The following TDRD5 variants were observed in gnomAD, a reference collection of about 807,000 sequenced individuals.
TDRD5 encodes tudor domain containing 5, also known as tudor domain-containing protein 5.
TDRD5 carries 41 observed loss-of-function variants against 120.6 expected under a neutral mutation model. The observed-to-expected ratio is 0.34, with a 90% confidence interval of 0.26 to 0.44. TDRD5 has a LOEUF of 0.44. Among genes scored for constraint, TDRD5 ranks in the 20% least tolerant of loss-of-function variants. The pLI, the probability that TDRD5 is intolerant of heterozygous loss-of-function variation, is 1.00. For synonymous variants in TDRD5, 430 were observed against 433.7 expected (o/e 0.99, Z 0.11); for missense variants, 1,006 against 1,221.2 (o/e 0.82, Z 2.63).
rs982541406 is a variant in TDRD5, at chr1:179,629,161, G to A, written c.973-1606G>A. ...CTCATCTGCTTGTTTCTCTTGGTGCGGAGGAGAAAGCTGGAAGATGGCAGC... is the reference window on the plus strand; with the variant it reads ...CTCATCTGCTTGTTTCTCTTGGTGCAGAGGAGAAAGCTGGAAGATGGCAGC... On this transcript the variant is annotated intron_variant, in intron 6 of 17. Coordinates refer to ENST00000444136, the MANE Select transcript of TDRD5 (RefSeq NM_001199085.3). 5.3e-5 allele frequency among the ~76,000 whole-genome samples: 8 copies of A among 151,992 alleles called. No homozygotes were observed. The South Asian group carries it at 8.3e-4, about 16-fold the overall frequency.
intron 6 of TDRD5, among the ~76,000 whole-genome samples, chr1:179,630,163 A>G (rs1677356076): frequency 1.3e-5 from 2 of 151,908 alleles, no homozygotes; most frequent in African/African-American, 4.8e-5. Flanking sequence ...ACGCCTGGCT[A>G]ATTTTTTGTA....
At chr1:179,636,175 A>G (rs1677757233) in intron 9 of TDRD5, among the ~76,000 whole-genome samples, 1 of 151,988 alleles carries the variant, frequency 6.6e-6, no homozygotes, top group Non-Finnish European at 1.5e-5. Context: ...AAGAAAGTTG[A>G]TTTTTCATAT....
intron 17 of TDRD5, among the ~76,000 whole-genome samples, chr1:179,685,037 T>C (rs1043871910): frequency 2.0e-5 from 3 of 152,236 alleles, no homozygotes; most frequent in African/African-American, 7.2e-5. Context: ...GTGCAGAAGC[T>C]CTTTAGTTTA....
Position 179,602,581 on chromosome 1 carries a change from A to T in TDRD5, c.831+6763A>T, listed in dbSNP as rs374785808. 7.9e-5 allele frequency among the ~76,000 whole-genome samples: 12 copies of T among 152,152 alleles called. No homozygotes were observed. In the South Asian group the frequency reaches 1.5e-3, roughly 18 times the overall value. On this transcript the variant is annotated intron_variant, in intron 4 of 17. Transcript: ENST00000444136. ...AGGTGAGAGATGAGGATCCAGTTTC[A>T]TTCTCCTACATGCGGCTAGCCAATT...
At chr1:179,658,773 C>G (rs1433123821) in intron 14 of TDRD5, among the ~76,000 whole-genome samples, 1 of 152,044 alleles carries the variant, frequency 6.6e-6, no homozygotes, top group Non-Finnish European at 1.5e-5. Context: ...TTTCTGTTTT[C>G]AAGTTCGTTG....
chr1:179,621,202 A>C, intron 6 of TDRD5, 111 bp downstream of exon 6: 1 of 874,782 alleles, frequency 1.1e-6, no homozygotes, highest in East Asian at 2.8e-5. Flanking sequence ...TCTAAAACGG[A>C]AACATTTTGT....
At chr1:179,608,248 C>A (rs572867329) in intron 4 of TDRD5, among the ~76,000 whole-genome samples, 1 of 151,048 alleles carries the variant, frequency 6.6e-6, no homozygotes, top group East Asian at 1.9e-4. Context: ...ATTGTAGTAT[C>A]CCTTGTTGTA....
intron 6 of TDRD5, among the ~76,000 whole-genome samples, chr1:179,626,236 A>G (rs1677128530): frequency 1.9e-5 from 2 of 106,360 alleles, no homozygotes; most frequent in African/African-American, 5.3e-5. Context: ...AAGAAAAAAA[A>G]GAAGTAAACA....
At chr1:179,600,255 ACAACCCTG>A (rs1387772674) in intron 4 of TDRD5, among the ~76,000 whole-genome samples, 5 of 152,212 alleles carry the variant, frequency 3.3e-5, no homozygotes, top group Non-Finnish European at 7.4e-5. Context: ...AGAGCAACGT[ACAACCCTG>A]CAAGCTCCAT....
chr1:179,687,602 A>T (rs1410774179), intron 17 of TDRD5, among the ~76,000 whole-genome samples: 1 of 152,042 alleles, frequency 6.6e-6, no homozygotes. Context: ...TATCCTTGTT[A>T]ACTTTCTGTC....
intron 4 of TDRD5, among the ~76,000 whole-genome samples, chr1:179,608,319 G>C (rs1468013680): frequency 6.6e-6 from 1 of 151,712 alleles, no homozygotes; most frequent in Non-Finnish European, 1.5e-5. Flanking sequence ...TGAGCTTCTT[G>C]TATGTGGGTT....
chr1:179,643,695 A>C (rs1473336073), intron 11 of TDRD5, among the ~76,000 whole-genome samples: 1 of 152,196 alleles, frequency 6.6e-6, no homozygotes, highest in African/African-American at 2.4e-5. Context: ...CAGAGACTTA[A>C]GGAAGTCTAT....
At chr1:179,604,486 T>C (rs1358174839) in intron 4 of TDRD5, among the ~76,000 whole-genome samples, 1 of 152,108 alleles carries the variant, frequency 6.6e-6, no homozygotes, top group Non-Finnish European at 1.5e-5. Context: ...CAGTTTGTGC[T>C]CTTTCAGCCT....
intron 14 of TDRD5, among the ~76,000 whole-genome samples, chr1:179,654,854 G>A (rs1391862351): frequency 6.6e-6 from 1 of 152,026 alleles, no homozygotes; most frequent in African/African-American, 2.4e-5. Context: ...CATAAAAAAA[G>A]GTATCTGGCT....
At chr1:179,671,093 T>C (rs1457765636) in intron 17 of TDRD5, among the ~76,000 whole-genome samples, 1 of 152,210 alleles carries the variant, frequency 6.6e-6, no homozygotes, top group African/African-American at 2.4e-5. Context: ...TCCAGCACCA[T>C]TTGTTGAAAA....
intron 17 of TDRD5, among the ~76,000 whole-genome samples, chr1:179,687,924 G>A (rs1328949963): frequency 8.0e-6 from 1 of 124,616 alleles, no homozygotes; most frequent in East Asian, 2.4e-4. Context: ...CCTTTATTTT[G>A]AGCCTATGTG....
chr1:179,599,806 A>G (rs1675604804), intron 4 of TDRD5, among the ~76,000 whole-genome samples: 1 of 152,350 alleles, frequency 6.6e-6, no homozygotes, highest in African/African-American at 2.4e-5. Context: ...GTAGTTCCAC[A>G]AAATTATAAC....
intron 9 of TDRD5, 58 bp from the exon 10 acceptor site, chr1:179,639,781 A>G (rs753810891): frequency 3.8e-5 from 60 of 1,562,742 alleles, no homozygotes; most frequent in Non-Finnish European, 5.1e-5. Context: ...ACATTGATAA[A>G]AATTATCTTT....
chr1:179,665,555 A>G (rs1013905253), intron 16 of TDRD5, among the ~76,000 whole-genome samples: 3 of 152,132 alleles, frequency 2.0e-5, no homozygotes, highest in Non-Finnish European at 4.4e-5. Flanking sequence ...ACATAAAGAT[A>G]GGGTTTATTT....
Sources: gnomAD v4.1 joint callset for allele counts (sites outside exome capture counted in the v4.1 genomes callset) on GRCh38, gnomAD v4.1.1 for gene constraint, MANE v1.5 for transcripts, NCBI Gene and HGNC (gene_info 2026-07-23, HGNC 2026-07-21) for gene names.